Variants in PDCL observed in about 807,000 individuals in gnomAD.
PDCL encodes phosducin like, also known as phosducin-like protein.
Under a neutral mutation model 26.7 loss-of-function variants are expected in PDCL, and 11 were observed. That is an observed-to-expected ratio of 0.41 (90% CI 0.26 to 0.68). PDCL has a LOEUF of 0.68. Ranked by LOEUF, PDCL falls within the 30% of genes least tolerant of loss-of-function variation. The pLI is 0.30. For missense variants in PDCL, 330 were observed against 371.6 expected, an observed-to-expected ratio of 0.89 and a Z score of 0.92; for synonymous variants, 118 against 134.9, an observed-to-expected ratio of 0.87 and a Z score of 0.87.
chr9:122,822,914 ACTT>A (rs1236937037), intron 3 of PDCL, 99 bp downstream of exon 3: 1 of 1,084,802 alleles, frequency 9.2e-7, no homozygotes, highest in African/African-American at 1.5e-5. Context: ...GCACTGCACA[ACTT>A]CTTGGAGGTC....
In PDCL at chr9:122,826,833, CCAGA is replaced by C. The variant is rs750873552; in HGVS notation, c.-5-45_-5-42del. 5.6e-6 allele frequency: 9 copies of C among 1,593,012 alleles called. No homozygotes were observed. The Admixed American group carries it at 8.4e-5, about 15-fold the overall frequency. Reference sequence around the variant, plus strand: ...ATATCAGGTTCTTTGCTGATTTGAGCCAGACAGACATGAATCTGAAGCATAGGGG... The same window carrying C: ...ATATCAGGTTCTTTGCTGATTTGAGCCAGACATGAATCTGAAGCATAGGGG... On this transcript the variant is annotated intron_variant, in intron 1 of 3. Coordinates refer to ENST00000259467, the MANE Select transcript of PDCL (RefSeq NM_005388.5).
Position 122,820,231 on chromosome 9 carries a change from G to A in PDCL, c.760C>T (p.Gln254Ter). ...ACAGCAAAGAAATCATCCCCCAGCTGGTCAGTAACACGAACAAAATTGCCG... is the reference window on the plus strand; with the variant it reads ...ACAGCAAAGAAATCATCCCCCAGCTAGTCAGTAACACGAACAAAATTGCCG... The part of the protein sequence containing the change: ...LIGNFVRVTD[Q>*]LGDDFFAVDL... Residue 254 changes from glutamine (Q) to a stop codon, truncating the protein, a stop_gained, in exon 4 of 4, where the codon CAG (glutamine) becomes TAG (stop). Transcript: ENST00000259467. LOFTEE classifies it high-confidence loss of function. 1 of 1,614,114 alleles carries A rather than the reference G, an allele frequency of 6.2e-7. No homozygotes were observed. Among genetic ancestry groups the A allele is most frequent in the Non-Finnish European group, 8.5e-7 (1 of 1,180,020 alleles).
At chr9:122,822,918 C>G in intron 3 of PDCL, 98 bp downstream of exon 3, 2 of 1,115,198 alleles carry the variant, frequency 1.8e-6, no homozygotes, top group Non-Finnish European at 2.7e-6. Flanking sequence ...TGCACAACTT[C>G]TTGGAGGTCA....
intron 3 of PDCL, among the ~76,000 whole-genome samples, chr9:122,821,836 C>G (rs1157414258): frequency 1.3e-5 from 2 of 152,146 alleles, no homozygotes; most frequent in Non-Finnish European, 1.5e-5. Context: ...CCCGGTGCAG[C>G]AAGACATCCT....
Position 122,819,301 on chromosome 9 carries a change from A to C in PDCL, c.*784T>G, listed in dbSNP as rs886998014. 1 of 152,296 alleles carries C rather than the reference A, an allele frequency of 6.6e-6. No individual in the cohort carries two copies. 9.4% of individuals were successfully genotyped at this position (152,296 alleles called of 1,614,324 possible). On this transcript the variant is annotated 3_prime_UTR_variant, in exon 4 of 4. Transcript: ENST00000259467. The stretch of plus-strand genomic sequence containing the variant: ...TATGAAAAAAAAAAAAAGTTTTAAA[A>C]AAAATCTAGGTTAAACAAAAAGTTA...
chr9:122,824,338 G>A (rs941767408), intron 2 of PDCL, among the ~76,000 whole-genome samples: 1 of 152,182 alleles, frequency 6.6e-6, no homozygotes, highest in Admixed American at 6.5e-5. Context: ...AAAGTATGCC[G>A]TGTATGAGCC....
chr9:122,826,938 C>T, intron 1 of PDCL, 146 bp from the exon 2 acceptor site: 1 of 680,150 alleles, frequency 1.5e-6, no homozygotes, highest in Non-Finnish European at 2.5e-6. Context: ...TTAACAAATC[C>T]CTACCGTTAC....
chr9:122,827,193 A>G (rs992983082), intron 1 of PDCL, among the ~76,000 whole-genome samples: 4 of 152,172 alleles, frequency 2.6e-5, no homozygotes, highest in Non-Finnish European at 5.9e-5. Context: ...CCCACCAGCT[A>G]AGACTGCTGC....
Position 122,823,213 on chromosome 9 carries a change from A to G in PDCL, c.173-16T>C, listed in dbSNP as rs897957545. On this transcript the variant is annotated splice_polypyrimidine_tract_variant and intron_variant, in intron 2 of 3. Coordinates refer to ENST00000259467, the MANE Select transcript of PDCL (RefSeq NM_005388.5). Reference sequence around the variant, plus strand: ...CCTTTTGGGCCTGAGTAGGGTGAACACGGATGTGACCAAGGAGAATGGGCA... The same window carrying G: ...CCTTTTGGGCCTGAGTAGGGTGAACGCGGATGTGACCAAGGAGAATGGGCA... The G allele has an allele frequency of 9.9e-6, 16 of 1,613,386 alleles. No homozygotes were observed. The highest frequency in any genetic ancestry group is 1.4e-5 in the Non-Finnish European group (16 of 1,179,522).
In PDCL at chr9:122,826,534, AATTT is replaced by A. The variant is rs770082877; in HGVS notation, c.172+78_172+81del. 1.4e-3 allele frequency: 1,590 copies of A among 1,167,856 alleles called. 2 individuals are homozygous for A. The highest frequency in any genetic ancestry group is 1.7e-3 in the Non-Finnish European group (1,448 of 861,928). 72.3% of individuals were successfully genotyped at this position (1,167,856 alleles called of 1,614,324 possible). On this transcript the variant is annotated intron_variant, in intron 2 of 3. Transcript: ENST00000259467. Reference sequence around the variant, plus strand: ...AGAGTTAAAAGTGATCAGGAGAATTAATTTATTAATATGTATTTAATTAATATGT... The same window carrying A: ...AGAGTTAAAAGTGATCAGGAGAATTAATTAATATGTATTTAATTAATATGT...
intron 1 of PDCL, among the ~76,000 whole-genome samples, chr9:122,827,981 A>C (rs1382511146): frequency 6.6e-6 from 1 of 152,068 alleles, no homozygotes. Flanking sequence ...AGCCCAGCAC[A>C]ATGCCGCTGC....
At chr9:122,824,702 A>T (rs116423380) in intron 2 of PDCL, among the ~76,000 whole-genome samples, 1 of 152,246 alleles carries the variant, frequency 6.6e-6, no homozygotes, top group African/African-American at 2.4e-5. Flanking sequence ...CATACTCAAC[A>T]TCACAAAAGT....
intron 2 of PDCL, among the ~76,000 whole-genome samples, chr9:122,824,282 T>C (rs978795799): frequency 1.3e-5 from 2 of 152,140 alleles, no homozygotes; most frequent in Admixed American, 6.5e-5. Flanking sequence ...TGCTGGCCAA[T>C]GGGATTGTGA....
rs1336881296 is a variant in PDCL, at chr9:122,820,621, A to T, written c.370T>A (p.Phe124Ile). 5 of 1,609,168 alleles carry T rather than the reference A, an allele frequency of 3.1e-6. No homozygotes were observed. The highest frequency in any genetic ancestry group is 4.2e-6 in the Non-Finnish European group (5 of 1,178,174). ...TCTTGGTCCTCATTCATTATGGCAA[A>T]CTCCTTCAGAGTCATCTGCAGGCGG... Reference protein sequence around the residue: ...KISGKMTLKEFAIMNEDQDDE... With the variant: ...KISGKMTLKEIAIMNEDQDDE... The change falls in exon 4 of 4, where the codon TTT (phenylalanine) becomes ATT (isoleucine). Residue 124 changes from phenylalanine to isoleucine, a missense_variant. Phe to Ile is a conservative substitution (Grantham distance 21). Coordinates refer to ENST00000259467, the MANE Select transcript of PDCL (RefSeq NM_005388.5).
intron 3 of PDCL, among the ~76,000 whole-genome samples, chr9:122,821,441 G>C (rs1056567977): frequency 1.3e-5 from 2 of 151,746 alleles, no homozygotes; most frequent in African/African-American, 4.8e-5. Context: ...GAGTCATATG[G>C]ACTCTAAAAA....
At chr9:122,827,007 AG>A (rs1400562253) in intron 1 of PDCL, among the ~76,000 whole-genome samples, 1 of 152,150 alleles carries the variant, frequency 6.6e-6, no homozygotes, top group East Asian at 1.9e-4. Flanking sequence ...GCTCAGATAA[AG>A]GAAGAGTCTT....
At position 122,823,178 on chromosome 9, in the gene PDCL, AT is replaced by A; in HGVS notation, c.191del (p.Asn64MetfsTer24). 1.9e-6 allele frequency: 3 copies of A among 1,614,082 alleles called. No homozygotes were observed. The highest frequency in any genetic ancestry group is 2.5e-6 in the Non-Finnish European group (3 of 1,180,022). ...SVNTGPKGVI[N>X]DWRRFKQLET... Reference sequence around the variant, plus strand: ...CCAACTGCTTGAAGCGGCGCCAGTCATTGATCACACCTTTTGGGCCTGAGTA... The same window carrying A: ...CCAACTGCTTGAAGCGGCGCCAGTCATGATCACACCTTTTGGGCCTGAGTA... On this transcript the variant is annotated frameshift_variant, in exon 3 of 4. Coordinates refer to ENST00000259467, the MANE Select transcript of PDCL (RefSeq NM_005388.5). LOFTEE classifies it high-confidence loss of function.
intron 2 of PDCL, among the ~76,000 whole-genome samples, chr9:122,824,180 G>A (rs1016492855): frequency 1.3e-4 from 20 of 152,152 alleles, no homozygotes; most frequent in African/African-American, 4.8e-4. Context: ...GGACTTATAT[G>A]TCCTTGCACC....
rs376934089 is a variant in PDCL, at chr9:122,826,597, G to C, written c.172+19C>G. ...TACATTTTTTAAGCCTGTTCCCAGA[G>C]CCCAGGGTTTCTCAGTACCTGTGTT... On this transcript the variant is annotated intron_variant, in intron 2 of 3. Coordinates refer to ENST00000259467, the MANE Select transcript of PDCL (RefSeq NM_005388.5). The C allele has an allele frequency of 1.0e-5, 16 of 1,607,120 alleles. No homozygotes were observed. The African/African-American group carries it at 1.5e-4, about 15-fold the overall frequency.
Sources: allele counts gnomAD v4.1 joint callset (sites outside exome capture counted in the v4.1 genomes callset), GRCh38; gene constraint gnomAD v4.1.1; transcripts MANE v1.5; gene names NCBI Gene and HGNC (gene_info 2026-07-23, HGNC 2026-07-21).